The following MCTP1 variants were observed in gnomAD, a reference collection of about 807,000 sequenced individuals.
The protein encoded by MCTP1 is multiple C2 and transmembrane domain containing 1, also known as multiple C2 and transmembrane domain-containing protein 1.
In MCTP1, 69 loss-of-function variants were observed where a neutral mutation model predicts 120.6. The ratio of observed to expected loss-of-function variants is 0.57; its 90% CI spans 0.47 to 0.70. The LOEUF is 0.70. MCTP1 is among the 30% of genes least tolerant of loss of function. The pLI is 0.00. For synonymous variants in MCTP1, 529 were observed against 493.1 expected, an observed-to-expected ratio of 1.07 and a Z score of -0.96; for missense variants, 1,203 against 1,248.8, an observed-to-expected ratio of 0.96 and a Z score of 0.55.
At chr5:94,765,591 C>G (rs1772427945) in intron 19 of MCTP1, among the ~76,000 whole-genome samples, 1 of 151,610 alleles carries the variant, frequency 6.6e-6, no homozygotes, top group African/African-American at 2.4e-5. Context: ...ATCCCAGCTA[C>G]TCAGGAAGCT....
Position 94,779,278 on chromosome 5 carries a change from G to A in MCTP1, c.2557-115C>T. 3 of 843,074 alleles carry A rather than the reference G, an allele frequency of 3.6e-6. No individual in the cohort carries two copies. In the South Asian group the frequency reaches 4.1e-5, roughly 12 times the overall value. 52.2% of individuals were successfully genotyped at this position (843,074 alleles called of 1,614,324 possible). The stretch of plus-strand genomic sequence containing the variant: ...TTAACATTTGAAACAGGCACACTGA[G>A]AAGGGATATTTGATCTAGAGAGAGT... On this transcript the variant is annotated intron_variant, in intron 18 of 22. Transcript: ENST00000515393.
At chr5:94,832,848 G>A (rs1788865350) in intron 17 of MCTP1, among the ~76,000 whole-genome samples, 3 of 152,272 alleles carry the variant, frequency 2.0e-5, no homozygotes, top group Admixed American at 1.3e-4. Flanking sequence ...CGAAGAGTGC[G>A]CCTAAATAAC....
chr5:94,791,805 C>A (rs1323109964), intron 18 of MCTP1: 1 of 152,270 alleles, frequency 6.6e-6, no homozygotes, highest in Admixed American at 6.5e-5. Context: ...ACTGGGGCTA[C>A]CCCACCCTGG....
chr5:94,767,654 C>T (rs1026640471), intron 19 of MCTP1, among the ~76,000 whole-genome samples: 5 of 152,012 alleles, frequency 3.3e-5, no homozygotes, highest in Admixed American at 1.3e-4. Context: ...GACAGCAGTT[C>T]CATTTACACT....
intron 1 of MCTP1, among the ~76,000 whole-genome samples, chr5:95,024,650 C>CAT (rs1319595437): frequency 6.8e-6 from 1 of 147,114 alleles, no homozygotes; most frequent in Non-Finnish European, 1.5e-5. Flanking sequence ...CATTCAAATA[C>CAT]ACACACACAC....
intron 19 of MCTP1, among the ~76,000 whole-genome samples, chr5:94,721,154 C>T (rs972728996): frequency 1.3e-5 from 2 of 152,122 alleles, no homozygotes; most frequent in African/African-American, 4.8e-5. Context: ...CCTTGAGAAT[C>T]ACCATAGAGC....
intron 2 of MCTP1, among the ~76,000 whole-genome samples, chr5:95,005,617 C>T (rs1207260056): frequency 1.3e-5 from 2 of 152,008 alleles, no homozygotes; most frequent in East Asian, 1.9e-4. Context: ...TGGCACTTTC[C>T]CCACTTCTCT....
At chr5:95,042,433 T>C (rs907477985) in intron 1 of MCTP1, among the ~76,000 whole-genome samples, 1 of 152,110 alleles carries the variant, frequency 6.6e-6, no homozygotes, top group Non-Finnish European at 1.5e-5. Context: ...TTATGGATAG[T>C]GATAAGCAAG....
intron 1 of MCTP1, among the ~76,000 whole-genome samples, chr5:95,106,445 T>G (rs1337766320): frequency 6.6e-6 from 1 of 152,174 alleles, no homozygotes; most frequent in Non-Finnish European, 1.5e-5. Flanking sequence ...AGAAGTACAA[T>G]GTTCTGATGA....
At chr5:94,953,131 T>C (rs781195559) in intron 3 of MCTP1, 88 bp downstream of exon 3, 49 of 1,236,682 alleles carry the variant, frequency 4.0e-5, no homozygotes, top group East Asian at 3.0e-4. Flanking sequence ...TGGTGAAAAC[T>C]CTCATCAGAC....
intron 1 of MCTP1, among the ~76,000 whole-genome samples, chr5:95,210,497 C>T (rs1280931801): frequency 6.7e-6 from 1 of 148,986 alleles, no homozygotes; most frequent in African/African-American, 2.5e-5. Flanking sequence ...GGATTGCAAC[C>T]CCTGCCTTTT....
intron 1 of MCTP1, among the ~76,000 whole-genome samples, chr5:95,086,432 G>A (rs1157053678): frequency 6.6e-6 from 1 of 152,136 alleles, no homozygotes; most frequent in African/African-American, 2.4e-5. Flanking sequence ...TTACAGTAGT[G>A]TAATAAGATG....
chr5:94,989,679 G>T (rs1283012157), intron 2 of MCTP1, among the ~76,000 whole-genome samples: 1 of 152,130 alleles, frequency 6.6e-6, no homozygotes, highest in Non-Finnish European at 1.5e-5. Context: ...GGATGAGGCT[G>T]GTTGCTAGAG....
chr5:94,843,069 TA>T (rs1248446363), intron 17 of MCTP1, among the ~76,000 whole-genome samples: 1 of 151,786 alleles, frequency 6.6e-6, no homozygotes. Context: ...AGCTTATATA[TA>T]AAAAATTCTA....
chr5:94,907,659 C>T (rs1438752974), intron 10 of MCTP1, among the ~76,000 whole-genome samples: 1 of 152,022 alleles, frequency 6.6e-6, no homozygotes, highest in Non-Finnish European at 1.5e-5. Context: ...CCTTGAAGAA[C>T]TCATAATGTT....
intron 1 of MCTP1, among the ~76,000 whole-genome samples, chr5:95,031,236 T>C (rs1316658861): frequency 6.6e-6 from 1 of 152,092 alleles, no homozygotes; most frequent in Non-Finnish European, 1.5e-5. Flanking sequence ...AAAATTTTCC[T>C]AATCTTGCTA....
rs889492534 is a variant in MCTP1, at chr5:95,160,043, G to T, written c.720+123813C>A. 1.9e-4 allele frequency among the ~76,000 whole-genome samples: 29 copies of T among 152,200 alleles called. 1 individual carries two copies. Among genetic ancestry groups the T allele is most frequent in the Non-Finnish European group, 2.8e-4 (19 of 68,026 alleles). On this transcript the variant is annotated intron_variant, in intron 1 of 22. Coordinates refer to ENST00000515393, the MANE Select transcript of MCTP1 (RefSeq NM_024717.7). ...CACAGATGCAGAAAGCCCAGGAGAA[G>T]AAGTTGGAAAAGTAGGCAGAAGAAG...
At chr5:94,893,209 T>A (rs949596043) in intron 11 of MCTP1, among the ~76,000 whole-genome samples, 16 of 152,014 alleles carry the variant, frequency 1.1e-4, no homozygotes, top group African/African-American at 2.2e-4. Flanking sequence ...AGAAAAAAAA[T>A]TAATAATAGG....
intron 5 of MCTP1, among the ~76,000 whole-genome samples, chr5:94,937,584 T>A (rs1816496395): frequency 6.6e-6 from 1 of 152,072 alleles, no homozygotes; most frequent in Non-Finnish European, 1.5e-5. Context: ...TTTTACATTT[T>A]AAAAATAAGT....
Sources: allele counts gnomAD v4.1 joint callset (sites outside exome capture counted in the v4.1 genomes callset), GRCh38; gene constraint gnomAD v4.1.1; transcripts MANE v1.5; gene names NCBI Gene and HGNC (gene_info 2026-07-23, HGNC 2026-07-21).